The following SENP7 variants were observed in gnomAD, a reference collection of about 807,000 sequenced individuals.
SENP7 encodes sentrin-specific protease 7.
Under a neutral mutation model 141.2 loss-of-function variants are expected in SENP7, and 64 were observed. The ratio of observed to expected loss-of-function variants is 0.45; its 90% CI spans 0.37 to 0.56. The LOEUF (loss-of-function observed/expected upper bound fraction) is 0.56, where lower values mean the gene tolerates loss of function less well. Among genes scored for constraint, SENP7 ranks in the 20% least tolerant of loss-of-function variants. The pLI is 0.00. For synonymous variants in SENP7, 382 were observed against 426.4 expected (o/e 0.90, Z 1.28); for missense variants, 1,025 against 1,212.2 (o/e 0.85, Z 2.29).
rs1553707804 is a variant in SENP7, at chr3:101,380,445, C to CACACACACA, written c.678-8320_678-8319insTGTGTGTGT. ...GTAAAGCAAACCACCGCCCCCCCCC[C>CACACACACA]CACACACACACACAAAACAAAACAT... On this transcript the variant is annotated intron_variant, in intron 6 of 23. Coordinates refer to ENST00000394095, the MANE Select transcript of SENP7 (RefSeq NM_020654.5). Among the ~76,000 whole-genome samples, 99 of 128,872 alleles carry CACACACACA rather than the reference C, an allele frequency of 7.7e-4. 1 individual carries two copies. The highest frequency in any genetic ancestry group is 1.6e-3 in the Admixed American group (20 of 12,552). 84.5% of individuals were successfully genotyped at this position (128,872 alleles called of 152,430 possible). A position where few individuals can be genotyped will look rare whatever the true frequency, so the allele number is the denominator to read the frequency against.
intron 6 of SENP7, among the ~76,000 whole-genome samples, chr3:101,381,120 C>A (rs955803995): frequency 2.6e-4 from 39 of 152,130 alleles, no homozygotes; most frequent in African/African-American, 8.7e-4. Flanking sequence ...GGGAATGGGA[C>A]AGAATGGGCA....
In SENP7 at chr3:101,325,719, A is replaced by G. The variant is rs1436986350; in HGVS notation, c.*224T>C. ...AAATATGAAATATTTATAAAATTTT[A>G]ATTTATATCTAGTAAGTTTATCTAT... On this transcript the variant is annotated 3_prime_UTR_variant, in exon 24 of 24. Transcript: ENST00000394095. The G allele has an allele frequency of 3.6e-6, 1 of 279,268 alleles. No homozygotes were observed. Among genetic ancestry groups the G allele is most frequent in the Non-Finnish European group, 6.5e-6 (1 of 153,186 alleles). 17.3% of individuals were successfully genotyped at this position (279,268 alleles called of 1,614,324 possible).
intron 3 of SENP7, among the ~76,000 whole-genome samples, chr3:101,472,833 G>C (rs990783374): frequency 2.6e-5 from 4 of 151,976 alleles, no homozygotes; most frequent in Non-Finnish European, 4.4e-5. Flanking sequence ...ATGGGGGGTT[G>C]TTATACAGAA....
At position 101,513,199 on chromosome 3, in the gene SENP7, G is replaced by T. The variant is rs1423086015; in HGVS notation, c.-69C>A. On this transcript the variant is annotated 5_prime_UTR_variant, in exon 1 of 24. Transcript: ENST00000394095. ...AGGACCCCTCCGGCTTGGAGAGGGAGGGGGAGGGGAAAGGAAAAAAAAAAA... is the reference window on the plus strand; with the variant it reads ...AGGACCCCTCCGGCTTGGAGAGGGATGGGGAGGGGAAAGGAAAAAAAAAAA... 2.5e-6 allele frequency: 2 copies of T among 812,054 alleles called. No homozygotes were observed. The highest frequency in any genetic ancestry group is 1.6e-5 in the South Asian group (1 of 62,924). The allele number at this position is 812,054 out of a possible 1,614,324, so 50.3% of individuals were successfully genotyped here.
At chr3:101,327,443 T>C (rs1246347594) in intron 23 of SENP7, among the ~76,000 whole-genome samples, 3 of 152,060 alleles carry the variant, frequency 2.0e-5, no homozygotes, top group Non-Finnish European at 4.4e-5. Flanking sequence ...GCTGCTATCA[T>C]GTAAAAAAGG....
chr3:101,484,926 T>G (rs1234282699), intron 3 of SENP7, among the ~76,000 whole-genome samples: 1 of 151,986 alleles, frequency 6.6e-6, no homozygotes, highest in East Asian at 1.9e-4. Flanking sequence ...GGGAGCACAG[T>G]GGGACAGAGA....
At chr3:101,373,717 A>G (rs747994754) in intron 6 of SENP7, among the ~76,000 whole-genome samples, 11 of 152,246 alleles carry the variant, frequency 7.2e-5, no homozygotes, top group Non-Finnish European at 1.3e-4. Context: ...AGGTAATGTC[A>G]TATGATTCAA....
chr3:101,456,628 G>GA (rs2063357953), intron 4 of SENP7, among the ~76,000 whole-genome samples: 1 of 151,304 alleles, frequency 6.6e-6, no homozygotes, highest in African/African-American at 2.4e-5. Context: ...AAAATAAACT[G>GA]AAAAAAATAT....
intron 4 of SENP7, among the ~76,000 whole-genome samples, chr3:101,447,372 G>A (rs550679050): frequency 1.3e-5 from 2 of 152,146 alleles, no homozygotes; most frequent in South Asian, 2.1e-4. Context: ...AGCCCAGGAG[G>A]TCAAGACCAC....
intron 4 of SENP7, among the ~76,000 whole-genome samples, chr3:101,443,209 C>G (rs964845291): frequency 1.3e-5 from 2 of 152,172 alleles, no homozygotes; most frequent in South Asian, 2.1e-4. Flanking sequence ...AATAGGGAAT[C>G]CTTTCCCCAT....
At chr3:101,336,099 GAA>G (rs1180692636) in intron 17 of SENP7, among the ~76,000 whole-genome samples, 2 of 152,164 alleles carry the variant, frequency 1.3e-5, no homozygotes, top group Admixed American at 6.5e-5. Flanking sequence ...ATGAACAACA[GAA>G]AGAGTTGAAC....
intron 11 of SENP7, chr3:101,357,305 T>C: frequency 1.6e-6 from 1 of 614,304 alleles, no homozygotes; most frequent in Non-Finnish European, 3.1e-6. Context: ...GGAGTGGCAT[T>C]GCCTGGACAC....
intron 6 of SENP7, among the ~76,000 whole-genome samples, chr3:101,384,738 A>G (rs1351835123): frequency 6.6e-6 from 1 of 152,230 alleles, no homozygotes; most frequent in African/African-American, 2.4e-5. Context: ...TGCCAGGCCA[A>G]GTGGGCAGAA....
At chr3:101,370,322 CTT>C (rs2060144766) in intron 7 of SENP7, among the ~76,000 whole-genome samples, 1 of 152,062 alleles carries the variant, frequency 6.6e-6, no homozygotes, top group South Asian at 2.1e-4. Context: ...GAGTAGGAAT[CTT>C]TGTCTTGATA....
Position 101,513,205 on chromosome 3 carries a change from G to C in SENP7, c.-75C>G. On this transcript the variant is annotated 5_prime_UTR_variant, in exon 1 of 24. Transcript: ENST00000394095. ...CCTCCGGCTTGGAGAGGGAGGGGGA[G>C]GGGAAAGGAAAAAAAAAAAAAAAAA... is the stretch of plus-strand genomic sequence containing the variant. 2 of 645,822 alleles carry C rather than the reference G, an allele frequency of 3.1e-6. No individual in the cohort carries two copies. Among genetic ancestry groups the C allele is most frequent in the East Asian group, 3.3e-5 (1 of 30,366 alleles). 40.0% of individuals were successfully genotyped at this position (645,822 alleles called of 1,614,324 possible).
chr3:101,342,312 T>C (rs1476372987), intron 14 of SENP7, among the ~76,000 whole-genome samples: 4 of 152,210 alleles, frequency 2.6e-5, no homozygotes, highest in Non-Finnish European at 5.9e-5. Flanking sequence ...GGTGTATATA[T>C]GAGTATGCCA....
intron 22 of SENP7, 134 bp from the exon 23 acceptor site, chr3:101,327,950 G>T: frequency 1.6e-6 from 1 of 611,166 alleles, no homozygotes; most frequent in Non-Finnish European, 2.7e-6. Context: ...AATTTTAGCA[G>T]TGCAACCTAC....
intron 4 of SENP7, among the ~76,000 whole-genome samples, chr3:101,429,694 C>T (rs983441930): frequency 2.0e-5 from 3 of 152,102 alleles, no homozygotes; most frequent in Non-Finnish European, 4.4e-5. Context: ...TTTCTCTTGC[C>T]TGATTGCCCT....
chr3:101,366,372 AAAAT>A (rs1317476189), intron 9 of SENP7, 54 bp downstream of exon 9: 15 of 1,302,140 alleles, frequency 1.2e-5, no homozygotes, highest in Non-Finnish European at 1.6e-5. Context: ...GAAGAATAAA[AAAAT>A]AACTAAGTAA....
Sources: gnomAD v4.1 joint callset for allele counts (sites outside exome capture counted in the v4.1 genomes callset) on GRCh38, gnomAD v4.1.1 for gene constraint, MANE v1.5 for transcripts, NCBI Gene and HGNC (gene_info 2026-07-23, HGNC 2026-07-21) for gene names.